TRAPPC9: variants seen among roughly 807,000 people sequenced by gnomAD.
The protein encoded by TRAPPC9 is trafficking protein particle complex subunit 9, also known as IKK2 binding protein.
Under a neutral mutation model 124.0 loss-of-function variants are expected in TRAPPC9, and 83 were observed. The observed-to-expected ratio is 0.67, with a 90% confidence interval of 0.56 to 0.80. The LOEUF (loss-of-function observed/expected upper bound fraction) is 0.80. Among genes scored for constraint, TRAPPC9 ranks in the 30% least tolerant of loss-of-function variants. TRAPPC9 has a pLI of 0.00. For missense variants in TRAPPC9, 1,302 were observed against 1,508.3 expected (o/e 0.86, Z 2.27); for synonymous variants, 638 against 617.5 (o/e 1.03, Z -0.49).
chr8:140,118,099 A>G (rs1168898586), intron 17 of TRAPPC9, among the ~76,000 whole-genome samples: 3 of 152,234 alleles, frequency 2.0e-5, no homozygotes, highest in Non-Finnish European at 4.4e-5. Flanking sequence ...GATGGTCACT[A>G]TTAATCCCAT....
intron 5 of TRAPPC9, among the ~76,000 whole-genome samples, chr8:140,423,675 T>C (rs971773240): frequency 6.6e-6 from 1 of 150,660 alleles, no homozygotes; most frequent in Non-Finnish European, 1.5e-5. Flanking sequence ...TATACACATA[T>C]ACACATATAT....
chr8:139,873,526 G>A (rs1237359325), intron 21 of TRAPPC9, among the ~76,000 whole-genome samples: 2 of 152,110 alleles, frequency 1.3e-5, no homozygotes, highest in Admixed American at 6.5e-5. Context: ...GCCCTGCTCA[G>A]GAGGATCCAG....
intron 17 of TRAPPC9, among the ~76,000 whole-genome samples, chr8:140,059,593 A>C (rs2132130261): frequency 6.6e-6 from 1 of 152,342 alleles, no homozygotes; most frequent in Non-Finnish European, 1.5e-5. Context: ...TCCACCTATC[A>C]TACGCCACTG....
At chr8:140,408,683 A>G (rs1176623924) in intron 5 of TRAPPC9, among the ~76,000 whole-genome samples, 1 of 152,158 alleles carries the variant, frequency 6.6e-6, no homozygotes, top group Non-Finnish European at 1.5e-5. Context: ...CAGGAAGACA[A>G]GGCATCCATA....
rs202014487 is a variant in TRAPPC9, at chr8:140,410,887, CA to C, written c.887-5190del. ...GATTTAGAAATATAAAACAGCAACTCAAAGAACTGTAAAAATAAAAAAAGGA... is the reference window on the plus strand; with the variant it reads ...GATTTAGAAATATAAAACAGCAACTCAAGAACTGTAAAAATAAAAAAAGGA... On this transcript the variant is annotated intron_variant, in intron 5 of 22. Coordinates refer to ENST00000438773, the MANE Select transcript of TRAPPC9 (RefSeq NM_001160372.4). 8.6e-3 allele frequency among the ~76,000 whole-genome samples: 1,286 copies of C among 149,634 alleles called. 13 individuals are homozygous for C. Among genetic ancestry groups the C allele is most frequent in the African/African-American group, 0.029 (1,182 of 40,918 alleles).
chr8:140,300,276 C>A (rs1030189374), intron 11 of TRAPPC9, among the ~76,000 whole-genome samples, 193 bp downstream of exon 11: 2 of 142,510 alleles, frequency 1.4e-5, no homozygotes, highest in Non-Finnish European at 2.9e-5. Flanking sequence ...CACATATGCA[C>A]GCATGCACAC....
intron 21 of TRAPPC9, among the ~76,000 whole-genome samples, chr8:139,808,007 C>T (rs185374748): frequency 5.3e-5 from 8 of 152,272 alleles, no homozygotes; most frequent in African/African-American, 1.7e-4. Flanking sequence ...AGGTGTGTAT[C>T]TTGTTGACCT....
chr8:140,388,923 T>A (rs2068838568), intron 7 of TRAPPC9, among the ~76,000 whole-genome samples: 1 of 148,172 alleles, frequency 6.7e-6, no homozygotes, highest in South Asian at 2.1e-4. Flanking sequence ...TGACGCTAAG[T>A]GAGTAATCTA....
intron 18 of TRAPPC9, among the ~76,000 whole-genome samples, chr8:139,989,098 G>A (rs1837458005): frequency 6.6e-6 from 1 of 152,196 alleles, no homozygotes; most frequent in Admixed American, 6.5e-5. Context: ...GCTCAGCCAT[G>A]CCTTTTACCA....
intron 7 of TRAPPC9, among the ~76,000 whole-genome samples, chr8:140,396,345 G>C (rs563614258): frequency 4.0e-5 from 6 of 151,894 alleles, no homozygotes; most frequent in Non-Finnish European, 8.8e-5. Context: ...GTTTCACCAT[G>C]TTATCCAGGA....
intron 10 of TRAPPC9, chr8:140,302,978 T>C (rs1383960006): frequency 3.3e-5 from 5 of 152,150 alleles, no homozygotes; most frequent in Admixed American, 1.3e-4. Flanking sequence ...CGCTAGACCA[T>C]GTATGGGAGA....
intron 17 of TRAPPC9, among the ~76,000 whole-genome samples, chr8:140,106,392 AT>A (rs2060666499): frequency 6.6e-6 from 1 of 152,250 alleles, no homozygotes; most frequent in South Asian, 2.1e-4. Flanking sequence ...ACTAGACAAG[AT>A]GCCTGAGAGG....
intron 21 of TRAPPC9, among the ~76,000 whole-genome samples, chr8:139,784,859 CA>C (rs1822112329): frequency 6.6e-6 from 1 of 151,812 alleles, no homozygotes; most frequent in Non-Finnish European, 1.5e-5. Flanking sequence ...TAGGAAAACT[CA>C]ATACAAAGAT....
chr8:140,197,451 GA>G (rs1238745572), intron 17 of TRAPPC9, among the ~76,000 whole-genome samples: 1 of 152,124 alleles, frequency 6.6e-6, no homozygotes, highest in Non-Finnish European at 1.5e-5. Flanking sequence ...CTTTCCTAAG[GA>G]AAAGGGGCTG....
intron 10 of TRAPPC9, among the ~76,000 whole-genome samples, chr8:140,309,601 A>G (rs954020835): frequency 2.6e-5 from 4 of 152,270 alleles, no homozygotes; most frequent in African/African-American, 9.6e-5. Context: ...AAGGTTTTCT[A>G]AATTTAAAAA....
intron 21 of TRAPPC9, among the ~76,000 whole-genome samples, chr8:139,819,798 G>A (rs1825125298): frequency 6.6e-6 from 1 of 151,910 alleles, no homozygotes; most frequent in African/African-American, 2.4e-5. Flanking sequence ...TGGATCATGA[G>A]GTCAGGAGAT....
chr8:139,867,508 C>T (rs544780838), intron 21 of TRAPPC9, among the ~76,000 whole-genome samples: 1 of 152,286 alleles, frequency 6.6e-6, no homozygotes, highest in East Asian at 1.9e-4. Context: ...TACTTAGTAA[C>T]AACAAAGAGA....
At position 140,252,146 on chromosome 8, in the gene TRAPPC9, C is replaced by T. The variant is rs1588016601; in HGVS notation, c.2431+631G>A. On this transcript the variant is annotated intron_variant, in intron 16 of 22. Coordinates refer to ENST00000438773, the MANE Select transcript of TRAPPC9 (RefSeq NM_001160372.4). The surrounding 1 kb of genome is among the most constrained non-coding windows in gnomAD (Gnocchi z 4.2). ...TTCAAGCGATTCTCCTGCCCTCAGC[C>T]TCCTGAGTAGCTGGGATTACAGGCA... 1.3e-5 allele frequency among the ~76,000 whole-genome samples: 2 copies of T among 152,088 alleles called. No homozygotes were observed. The highest frequency in any genetic ancestry group is 4.8e-5 in the African/African-American group (2 of 41,400).
chr8:140,093,888 T>C (rs886648434), intron 17 of TRAPPC9, among the ~76,000 whole-genome samples: 2 of 152,104 alleles, frequency 1.3e-5, no homozygotes, highest in African/African-American at 2.4e-5. Flanking sequence ...GTCATCCTCA[T>C]GACTGTTGCT....
Sources: allele counts gnomAD v4.1 joint callset (sites outside exome capture counted in the v4.1 genomes callset), GRCh38; gene constraint gnomAD v4.1.1; non-coding constraint Gnocchi (gnomAD v3.1); transcripts MANE v1.5; gene names NCBI Gene and HGNC (gene_info 2026-07-23, HGNC 2026-07-21).